STAG1: variants seen among roughly 807,000 people sequenced by gnomAD.
The protein encoded by STAG1 is cohesin subunit SA-1.
STAG1 carries 26 observed loss-of-function variants against 170.9 expected under a neutral mutation model. That is an observed-to-expected ratio of 0.15 (90% CI 0.11 to 0.21). The LOEUF is 0.21. Ranked by LOEUF, STAG1 falls within the 10% of genes least tolerant of loss-of-function variation. The pLI is 1.00. For missense variants in STAG1, 964 were observed against 1,509.5 expected, an observed-to-expected ratio of 0.64 and a Z score of 5.99; for synonymous variants, 514 against 497.7, an observed-to-expected ratio of 1.03 and a Z score of -0.44.
intron 5 of STAG1, among the ~76,000 whole-genome samples, chr3:136,547,268 T>C (rs1008391782): frequency 6.6e-6 from 1 of 152,206 alleles, no homozygotes; most frequent in African/African-American, 2.4e-5. Context: ...TCACAACTAA[T>C]GAGCCAATAC....
Position 136,338,051 on chromosome 3 carries a change from T to G in STAG1, c.*203A>C, listed in dbSNP as rs1282639663. On this transcript the variant is annotated 3_prime_UTR_variant, in exon 34 of 34. Coordinates refer to ENST00000383202, the MANE Select transcript of STAG1 (RefSeq NM_005862.3). ...ACACAAATGATTTTCAGGTCAGTCT[T>G]TCTGAGTTGACATTCACCAACATTC... 3.6e-6 allele frequency: 2 copies of G among 556,180 alleles called. No individual in the cohort carries two copies. Among genetic ancestry groups the G allele is most frequent in the Admixed American group, 6.9e-5 (2 of 29,028 alleles). 34.5% of individuals were successfully genotyped at this position (556,180 alleles called of 1,614,324 possible).
At chr3:136,473,704 T>C (rs1447877324) in intron 10 of STAG1, 67 bp from the exon 11 acceptor site, 16 of 1,191,004 alleles carry the variant, frequency 1.3e-5, no homozygotes, top group Admixed American at 5.6e-5. Flanking sequence ...CAAGTCTATA[T>C]GAAGACTAAA....
intron 21 of STAG1, among the ~76,000 whole-genome samples, chr3:136,401,964 T>C (rs1379130283): frequency 6.6e-6 from 1 of 151,716 alleles, no homozygotes; most frequent in Non-Finnish European, 1.5e-5. Context: ...GGCTGGTCTC[T>C]AACTCCTGAC....
At position 136,422,886 on chromosome 3, in the gene STAG1, T is replaced by C. The variant is rs1189034053; in HGVS notation, c.1744-29A>G. The C allele has an allele frequency of 1.9e-6, 3 of 1,592,724 alleles. No homozygotes were observed. In the African/African-American group the frequency reaches 4.1e-5, roughly 22 times the overall value. ...GAAGGAGAAGCAAAGAAAAAGACAG[T>C]AACTACTTTAATAGTACAATGAAAG... is the stretch of plus-strand genomic sequence containing the variant. On this transcript the variant is annotated intron_variant, in intron 17 of 33. Coordinates refer to ENST00000383202, the MANE Select transcript of STAG1 (RefSeq NM_005862.3).
In STAG1 at chr3:136,388,131, A is replaced by G. The variant is rs535962116; in HGVS notation, c.2278-10379T>C. On this transcript the variant is annotated intron_variant, in intron 22 of 33. Transcript: ENST00000383202. ...ACTGCGACTTAGTGCCAACAAAATAACATTTACTGTTAATTCAAACACTTC... is the reference window on the plus strand; with the variant it reads ...ACTGCGACTTAGTGCCAACAAAATAGCATTTACTGTTAATTCAAACACTTC... 2.0e-5 allele frequency among the ~76,000 whole-genome samples: 3 copies of G among 152,366 alleles called. No homozygotes were observed. In the East Asian group the frequency reaches 5.8e-4, roughly 29 times the overall value.
chr3:136,392,286 C>T (rs922902426), intron 22 of STAG1, among the ~76,000 whole-genome samples: 1 of 151,848 alleles, frequency 6.6e-6, no homozygotes, highest in African/African-American at 2.4e-5. Context: ...ACCCAAATAT[C>T]TAAGAGCGGA....
At chr3:136,409,805 T>C (rs2087575916) in intron 21 of STAG1, among the ~76,000 whole-genome samples, 1 of 152,080 alleles carries the variant, frequency 6.6e-6, no homozygotes, top group South Asian at 2.1e-4. Context: ...CAGCTGGGTG[T>C]TGTGGCTTAT....
intron 10 of STAG1, among the ~76,000 whole-genome samples, chr3:136,476,734 C>T (rs939843044): frequency 6.7e-4 from 102 of 152,204 alleles, no homozygotes; most frequent in African/African-American, 2.2e-3. Context: ...TATTACAGTA[C>T]GTAAATGCCA....
Position 136,464,972 on chromosome 3 carries a change from G to C in STAG1, c.1222C>G (p.Leu408Val), listed in dbSNP as rs1376846803. 2 of 1,607,986 alleles carry C rather than the reference G, an allele frequency of 1.2e-6. No individual in the cohort carries two copies. Among genetic ancestry groups the C allele is most frequent in the Admixed American group, 1.7e-5 (1 of 59,056 alleles). The change falls in exon 13 of 34, where the codon CTT (leucine) becomes GTT (valine). Residue 408 changes from leucine to valine, a missense_variant. Around this residue, in one of 11 missense-constraint regions of STAG1, gnomAD observed 162 missense variants for 211.2 expected, o/e 0.77. Coordinates refer to ENST00000383202, the MANE Select transcript of STAG1 (RefSeq NM_005862.3). ...ACATTTTCACAGTCTTCATTGGAAA[G>C]AGCTTCTTCACTTCCACTGAAAAAT... ...TLILHGSEEA[L>V]SNEDCENVYH...
intron 1 of STAG1, among the ~76,000 whole-genome samples, chr3:136,631,596 T>C (rs956231487): frequency 5.3e-5 from 8 of 152,174 alleles, no homozygotes; most frequent in Admixed American, 5.2e-4. Flanking sequence ...GATCAGCTGA[T>C]AAAAAATGTT....
chr3:136,676,803 T>C (rs1274658437), intron 1 of STAG1, among the ~76,000 whole-genome samples: 4 of 152,122 alleles, frequency 2.6e-5, no homozygotes, highest in Non-Finnish European at 5.9e-5. Flanking sequence ...TGTGATTTTA[T>C]TTCTTAGACT....
chr3:136,500,088 C>T (rs900048), intron 9 of STAG1, 135 bp downstream of exon 9: 445,605 of 609,342 alleles, frequency 0.73, 163,636 homozygotes, highest in East Asian at 0.84. Flanking sequence ...TAGTGTGACA[C>T]TGACAGCCAA....
At chr3:136,700,369 T>C (rs1943017838) in intron 1 of STAG1, among the ~76,000 whole-genome samples, 1 of 151,604 alleles carries the variant, frequency 6.6e-6, no homozygotes, top group Admixed American at 6.6e-5. Context: ...TTTAAACTCA[T>C]TCAATTTTCT....
At position 136,502,777 on chromosome 3, in the gene STAG1, T is replaced by C. The variant is rs1271205593; in HGVS notation, c.679A>G (p.Met227Val). 3.1e-6 allele frequency: 5 copies of C among 1,587,994 alleles called. No individual in the cohort carries two copies. The highest frequency in any genetic ancestry group is 4.3e-6 in the Non-Finnish European group (5 of 1,170,166). ...TTCACCAGAGCAGTCATGAGCTTCA[T>C]GGCTATGAAATGAAGAAATATTATA... ...AFRHTSTLAA[M>V]KLMTALVNVA... The change falls in exon 8 of 34, where the codon ATG becomes GTG. Residue 227 changes from methionine to valine, a missense_variant and splice_region_variant. Met to Val is a conservative substitution (Grantham distance 21, BLOSUM62 1). Around this residue, in one of 11 missense-constraint regions of STAG1, gnomAD observed 57 missense variants for 157.6 expected, o/e 0.36. Coordinates refer to ENST00000383202, the MANE Select transcript of STAG1 (RefSeq NM_005862.3).
intron 20 of STAG1, among the ~76,000 whole-genome samples, chr3:136,420,785 G>T (rs1026387125): frequency 1.1e-4 from 17 of 152,050 alleles, no homozygotes; most frequent in Admixed American, 1.1e-3. Context: ...ACATTTACTT[G>T]ATTTATTTAT....
chr3:136,682,816 C>T (rs1163269313), intron 1 of STAG1, among the ~76,000 whole-genome samples: 1 of 152,168 alleles, frequency 6.6e-6, no homozygotes, highest in Non-Finnish European at 1.5e-5. Flanking sequence ...GATATTTATA[C>T]ACCCATGTTC....
chr3:136,659,495 A>G (rs1941503465), intron 1 of STAG1, among the ~76,000 whole-genome samples: 1 of 152,218 alleles, frequency 6.6e-6, no homozygotes, highest in African/African-American at 2.4e-5. Context: ...TTTCTGAAAT[A>G]CGTGTTATGC....
intron 9 of STAG1, among the ~76,000 whole-genome samples, chr3:136,493,089 C>A (rs561483493): frequency 6.6e-6 from 1 of 152,290 alleles, no homozygotes; most frequent in African/African-American, 2.4e-5. Context: ...CACACCTAAT[C>A]ACAGCACTTT....
chr3:136,466,032 G>T (rs893849318), intron 12 of STAG1, among the ~76,000 whole-genome samples: 1 of 152,138 alleles, frequency 6.6e-6, no homozygotes, highest in Non-Finnish European at 1.5e-5. Flanking sequence ...ACCAAAGGTA[G>T]ATAAAACCAC....
Sources: allele counts gnomAD v4.1 joint callset (sites outside exome capture counted in the v4.1 genomes callset), GRCh38; gene constraint gnomAD v4.1.1; regional missense constraint gnomAD v4.1.1; transcripts MANE v1.5; gene names NCBI Gene and HGNC (gene_info 2026-07-23, HGNC 2026-07-21).